The following EPHB1 variants were observed in gnomAD, a reference collection of about 807,000 sequenced individuals.
The protein encoded by EPHB1 is EPH receptor B1.
Under a neutral mutation model 94.4 loss-of-function variants are expected in EPHB1, and 30 were observed. That is an observed-to-expected ratio of 0.32 (90% CI 0.24 to 0.43). The LOEUF is 0.43. Among genes scored for constraint, EPHB1 ranks in the 20% least tolerant of loss-of-function variants. EPHB1 has a pLI of 1.00. For missense variants in EPHB1, 1,055 were observed against 1,308.3 expected (o/e 0.81, Z 2.99); for synonymous variants, 522 against 489.1 (o/e 1.07, Z -0.89).
At chr3:135,020,729 T>C (rs554178451) in intron 3 of EPHB1, among the ~76,000 whole-genome samples, 3 of 152,370 alleles carry the variant, frequency 2.0e-5, no homozygotes, top group Middle Eastern at 3.4e-3. Context: ...TAGTTAAATT[T>C]ACAACTATAT....
At chr3:135,213,792 CT>C (rs2107717041) in intron 12 of EPHB1, among the ~76,000 whole-genome samples, 1 of 152,278 alleles carries the variant, frequency 6.6e-6, no homozygotes, top group South Asian at 2.1e-4. Context: ...ATAATTTTCC[CT>C]TCTTAGTATT....
intron 2 of EPHB1, among the ~76,000 whole-genome samples, chr3:134,933,677 G>A (rs894935774): frequency 6.6e-6 from 1 of 152,120 alleles, no homozygotes; most frequent in African/African-American, 2.4e-5. Flanking sequence ...AATTGCCTAA[G>A]GTCTCATGGT....
At chr3:135,071,835 T>A (rs766025771) in intron 3 of EPHB1, among the ~76,000 whole-genome samples, 9 of 152,152 alleles carry the variant, frequency 5.9e-5, no homozygotes, top group Non-Finnish European at 8.8e-5. Context: ...AACTCTTGAT[T>A]TCCTTTTTCA....
intron 3 of EPHB1, among the ~76,000 whole-genome samples, chr3:135,005,946 A>G (rs1935392773): frequency 6.6e-6 from 1 of 152,192 alleles, no homozygotes; most frequent in East Asian, 1.9e-4. Flanking sequence ...GGAGCTGTAG[A>G]CCGGAGCTGT....
At chr3:135,058,853 C>T (rs574098235) in intron 3 of EPHB1, among the ~76,000 whole-genome samples, 2 of 152,294 alleles carry the variant, frequency 1.3e-5, no homozygotes, top group Non-Finnish European at 2.9e-5. Flanking sequence ...CCAACATTTT[C>T]TTATTACGGT....
intron 12 of EPHB1, among the ~76,000 whole-genome samples, chr3:135,237,574 A>G (rs888858023): frequency 2.6e-5 from 4 of 152,108 alleles, no homozygotes; most frequent in African/African-American, 7.2e-5. Context: ...TCCCTGCAGA[A>G]AGCAGACCCA....
rs1370466339 is a variant in EPHB1, at chr3:135,093,211, GT to G, written c.806-13236del. On this transcript the variant is annotated intron_variant, in intron 3 of 15. Coordinates refer to ENST00000398015, the MANE Select transcript of EPHB1 (RefSeq NM_004441.5). ...AGATTTTTAGGGTACACTAACATGA[GT>G]GAGGAGGTGGAGTTGGGGACACAGA... Among the ~76,000 whole-genome samples, 7 of 152,294 alleles carry G rather than the reference GT, an allele frequency of 4.6e-5. No homozygotes were observed. The East Asian group carries it at 1.4e-3, about 29-fold the overall frequency.
intron 3 of EPHB1, among the ~76,000 whole-genome samples, chr3:135,055,539 C>T (rs931191571): frequency 3.4e-4 from 51 of 152,212 alleles, no homozygotes; most frequent in Non-Finnish European, 5.9e-5. Context: ...AGCAGCAGAG[C>T]TCTTTGAACC....
At chr3:134,925,761 G>A in intron 1 of EPHB1, 55 bp from the exon 2 acceptor site, 2 of 1,468,110 alleles carry the variant, frequency 1.4e-6, no homozygotes, top group South Asian at 1.3e-5. Context: ...CCACTGTATA[G>A]CAATCCTTCT....
At chr3:135,035,725 C>T (rs1007581076) in intron 3 of EPHB1, among the ~76,000 whole-genome samples, 6 of 152,192 alleles carry the variant, frequency 3.9e-5, no homozygotes, top group African/African-American at 1.4e-4. Context: ...GGTACTACTC[C>T]AGCATCTCCT....
At chr3:135,123,664 A>C (rs1940074835) in intron 4 of EPHB1, among the ~76,000 whole-genome samples, 1 of 152,186 alleles carries the variant, frequency 6.6e-6, no homozygotes, top group South Asian at 2.1e-4. Context: ...CACAGACAAG[A>C]CATTCTGTCA....
intron 5 of EPHB1, among the ~76,000 whole-genome samples, chr3:135,133,744 TCC>T (rs1484142576): frequency 6.6e-6 from 1 of 152,222 alleles, no homozygotes; most frequent in Non-Finnish European, 1.5e-5. Flanking sequence ...CACATTTTCT[TCC>T]TCTTTATTTC....
chr3:135,005,056 T>A (rs1362839851), intron 3 of EPHB1, among the ~76,000 whole-genome samples: 1 of 152,260 alleles, frequency 6.6e-6, no homozygotes, highest in Non-Finnish European at 1.5e-5. Context: ...AGTTTCCATT[T>A]TTTCTGTTCT....
chr3:135,241,330 C>T (rs1943778322), intron 13 of EPHB1, 33 bp downstream of exon 13: 2 of 1,613,242 alleles, frequency 1.2e-6, no homozygotes, highest in Non-Finnish European at 1.7e-6. Context: ...CACCACAAAC[C>T]CCCATTGAAG....
At chr3:135,053,017 G>GTGTGTATATATA (rs1247034211) in intron 3 of EPHB1, among the ~76,000 whole-genome samples, 1 of 27,162 alleles carries the variant, frequency 3.7e-5, no homozygotes, top group African/African-American at 2.4e-4. Context: ...ATATATATGT[G>GTGTGTATATATA]TGTGTGTGTG....
chr3:134,906,305 AC>A (rs2107692097), intron 1 of EPHB1, among the ~76,000 whole-genome samples: 1 of 152,298 alleles, frequency 6.6e-6, no homozygotes, highest in Non-Finnish European at 1.5e-5. Context: ...TATTTAGATG[AC>A]TTAGTAATAT....
intron 1 of EPHB1, among the ~76,000 whole-genome samples, chr3:134,883,575 T>C (rs1248256815): frequency 6.6e-6 from 1 of 152,116 alleles, no homozygotes; most frequent in South Asian, 2.1e-4. Context: ...AAAGTTTAAG[T>C]GATTTAAGTT....
rs1156779699 is a variant in EPHB1 at position 135,007,225 on chromosome 3, A to C, written c.805+55173A>C. Among the ~76,000 whole-genome samples, 3 of 152,174 alleles carry C rather than the reference A, an allele frequency of 2.0e-5. No individual in the cohort carries two copies. The South Asian group carries it at 6.2e-4, about 32-fold the overall frequency. On this transcript the variant is annotated intron_variant, in intron 3 of 15. Transcript: ENST00000398015. The stretch of plus-strand genomic sequence containing the variant: ...GTCCCAGCTGCCTAACGCAGTAGCA[A>C]TTCTCTAGACACTCCCTTACCTCCC...
chr3:135,063,749 G>A (rs1937545872), intron 3 of EPHB1, among the ~76,000 whole-genome samples: 1 of 152,012 alleles, frequency 6.6e-6, no homozygotes. Flanking sequence ...GGTGAGAGTG[G>A]GCATCCTTGT....
Sources: allele counts gnomAD v4.1 joint callset (sites outside exome capture counted in the v4.1 genomes callset), GRCh38; gene constraint gnomAD v4.1.1; transcripts MANE v1.5; gene names NCBI Gene and HGNC (gene_info 2026-07-23, HGNC 2026-07-21).